The following KCND2 variants were observed in gnomAD, a reference collection of about 807,000 sequenced individuals.
The protein encoded by KCND2 is potassium voltage-gated channel subfamily D member 2, also known as A-type voltage-gated potassium channel KCND2.
Under a neutral mutation model 54.4 loss-of-function variants are expected in KCND2, and 16 were observed. That is an observed-to-expected ratio of 0.29 (90% CI 0.20 to 0.45). The LOEUF (loss-of-function observed/expected upper bound fraction) is 0.45. Among genes scored for constraint, KCND2 ranks in the 20% least tolerant of loss-of-function variants. The pLI, the probability that KCND2 is intolerant of heterozygous loss-of-function variation, is 1.00. For synonymous variants in KCND2, 317 were observed against 310.7 expected, an observed-to-expected ratio of 1.02 and a Z score of -0.21; for missense variants, 486 against 824.2, an observed-to-expected ratio of 0.59 and a Z score of 5.02.
intron 1 of KCND2, among the ~76,000 whole-genome samples, chr7:120,593,453 C>G (rs1792696020): frequency 6.6e-6 from 1 of 152,016 alleles, no homozygotes. Flanking sequence ...AGAATCCTAT[C>G]AAAAATAAAC....
intron 1 of KCND2, among the ~76,000 whole-genome samples, chr7:120,677,060 G>A (rs1792069832): frequency 6.6e-6 from 1 of 152,156 alleles, no homozygotes; most frequent in Non-Finnish European, 1.5e-5. Context: ...TGTAATCACA[G>A]TAACTTGAAA....
At chr7:120,413,512 C>T (rs1801480032) in intron 1 of KCND2, among the ~76,000 whole-genome samples, 1 of 151,780 alleles carries the variant, frequency 6.6e-6, no homozygotes, top group Non-Finnish European at 1.5e-5. Flanking sequence ...CATATGCATA[C>T]ATACTTATGT....
chr7:120,525,998 A>G (rs948877057), intron 1 of KCND2, among the ~76,000 whole-genome samples: 1 of 152,034 alleles, frequency 6.6e-6, no homozygotes, highest in Non-Finnish European at 1.5e-5. Flanking sequence ...TTCCCTCTTT[A>G]CAAGTGATAA....
intron 1 of KCND2, among the ~76,000 whole-genome samples, chr7:120,450,897 T>C (rs1463643900): frequency 6.6e-6 from 1 of 152,174 alleles, no homozygotes; most frequent in Non-Finnish European, 1.5e-5. Flanking sequence ...CGATTACTTA[T>C]TGATGATATT....
chr7:120,428,614 A>G (rs1000837554), intron 1 of KCND2, among the ~76,000 whole-genome samples: 4 of 152,224 alleles, frequency 2.6e-5, no homozygotes, highest in African/African-American at 9.6e-5. Context: ...ACAAAGCTTT[A>G]ACTTATGATA....
chr7:120,600,980 T>C (rs886539814), intron 1 of KCND2, among the ~76,000 whole-genome samples: 6 of 152,112 alleles, frequency 3.9e-5, no homozygotes, highest in Non-Finnish European at 7.4e-5. Flanking sequence ...AAGTTTTTTA[T>C]TTGTATATTT....
intron 1 of KCND2, among the ~76,000 whole-genome samples, chr7:120,635,874 A>G (rs577243210): frequency 2.2e-4 from 34 of 152,326 alleles, no homozygotes; most frequent in African/African-American, 7.7e-4. Context: ...GTCTCCAAGA[A>G]CAATTCTTAA....
At chr7:120,546,938 C>T (rs556121306) in intron 1 of KCND2, among the ~76,000 whole-genome samples, 8 of 151,608 alleles carry the variant, frequency 5.3e-5, no homozygotes, top group South Asian at 2.1e-4. Context: ...TTTGGATTCT[C>T]GGTGAATATA....
intron 1 of KCND2, among the ~76,000 whole-genome samples, chr7:120,597,960 C>G (rs545879103): frequency 2.0e-4 from 30 of 152,094 alleles, no homozygotes; most frequent in African/African-American, 6.7e-4. Flanking sequence ...AAAGTACTAT[C>G]TGGGCCTGGA....
At chr7:120,617,009 C>A (rs553080786) in intron 1 of KCND2, among the ~76,000 whole-genome samples, 2 of 152,226 alleles carry the variant, frequency 1.3e-5, no homozygotes, top group South Asian at 4.1e-4. Context: ...ATTAACTAAC[C>A]CAAGTGGCCA....
intron 1 of KCND2, among the ~76,000 whole-genome samples, chr7:120,334,057 A>G (rs1316561108): frequency 2.0e-5 from 3 of 152,154 alleles, no homozygotes; most frequent in Non-Finnish European, 2.9e-5. Context: ...ACCTTTGTTT[A>G]TGATTTTTAA....
intron 1 of KCND2, among the ~76,000 whole-genome samples, chr7:120,449,326 C>CT: frequency 8.0e-6 from 1 of 124,530 alleles, no homozygotes; most frequent in African/African-American, 4.2e-5. Context: ...CAGACTCCGT[C>CT]TCAAAAAAAA....
rs191629110 is a variant in KCND2 at position 120,282,859 on chromosome 7, A to G, written c.1115+7112A>G. Among the ~76,000 whole-genome samples, 233 of 152,272 alleles carry G rather than the reference A, an allele frequency of 1.5e-3. 1 individual carries two copies. Among genetic ancestry groups the G allele is most frequent in the African/African-American group, 5.4e-3 (223 of 41,566 alleles). On this transcript the variant is annotated intron_variant, in intron 1 of 5. Transcript: ENST00000331113. Reference sequence around the variant, plus strand: ...TCAACATAATAGACCTTTGTTGATCACTTGCTACCTGTCATTGACCACAGC... The same window carrying G: ...TCAACATAATAGACCTTTGTTGATCGCTTGCTACCTGTCATTGACCACAGC...
intron 1 of KCND2, among the ~76,000 whole-genome samples, chr7:120,527,029 T>G (rs1018192617): frequency 6.6e-6 from 1 of 152,136 alleles, no homozygotes; most frequent in Non-Finnish European, 1.5e-5. Context: ...TATATTGAAG[T>G]ACATCAGATT....
At chr7:120,347,128 C>G (rs1800330820) in intron 1 of KCND2, among the ~76,000 whole-genome samples, 1 of 152,076 alleles carries the variant, frequency 6.6e-6, no homozygotes, top group South Asian at 2.1e-4. Context: ...TAAGTTACTT[C>G]TAAAAGGGTT....
chr7:120,746,198 T>G (rs550636607), intron 5 of KCND2, among the ~76,000 whole-genome samples, 171 bp downstream of exon 5: 1 of 152,222 alleles, frequency 6.6e-6, no homozygotes, highest in Admixed American at 6.5e-5. Flanking sequence ...GCATATCCAT[T>G]AAGGGTTAAA....
chr7:120,345,839 T>C (rs1800309029), intron 1 of KCND2, among the ~76,000 whole-genome samples: 1 of 152,234 alleles, frequency 6.6e-6, no homozygotes, highest in South Asian at 2.1e-4. Flanking sequence ...GATCTTGTTT[T>C]TAATCCTTTT....
At chr7:120,331,237 T>A (rs1393493210) in intron 1 of KCND2, among the ~76,000 whole-genome samples, 3 of 152,066 alleles carry the variant, frequency 2.0e-5, no homozygotes, top group African/African-American at 7.2e-5. Context: ...AGAACTTAAA[T>A]TAAAAGAAAG....
chr7:120,533,748 A>T (rs1274239827), intron 1 of KCND2, among the ~76,000 whole-genome samples: 1 of 152,068 alleles, frequency 6.6e-6, no homozygotes, highest in African/African-American at 2.4e-5. Flanking sequence ...AAATGATTCC[A>T]CAGTTTTTTC....
Sources: allele counts gnomAD v4.1 joint callset (sites outside exome capture counted in the v4.1 genomes callset), GRCh38; gene constraint gnomAD v4.1.1; transcripts MANE v1.5; gene names NCBI Gene and HGNC (gene_info 2026-07-23, HGNC 2026-07-21).